Variants in MYLK observed in about 807,000 individuals in gnomAD.
The protein encoded by MYLK is myosin light chain kinase.
MYLK carries 106 observed loss-of-function variants against 203.4 expected under a neutral mutation model. The observed-to-expected ratio is 0.52, with a 90% CI of 0.45 to 0.61. The LOEUF (loss-of-function observed/expected upper bound fraction) is 0.61. MYLK is among the 20% of genes least tolerant of loss of function. MYLK has a pLI of 0.00. For synonymous variants in MYLK, 867 were observed against 959.5 expected, an observed-to-expected ratio of 0.90 and a Z score of 1.78; for missense variants, 2,072 against 2,442.3, an observed-to-expected ratio of 0.85 and a Z score of 3.20.
intron 19 of MYLK, among the ~76,000 whole-genome samples, chr3:123,687,616 A>T (rs820376): frequency 1.3e-5 from 2 of 150,184 alleles, no homozygotes; most frequent in Non-Finnish European, 2.9e-5. Flanking sequence ...TCCTACCTTC[A>T]TTCCTTCCTT....
chr3:123,620,699 T>A (rs1258287941), intron 31 of MYLK: 5 of 1,031,566 alleles, frequency 4.8e-6, no homozygotes, highest in Non-Finnish European at 5.9e-6. Flanking sequence ...TATTGCTGAC[T>A]GGGCCTAGCG....
intron 4 of MYLK, among the ~76,000 whole-genome samples, chr3:123,753,788 A>T (rs2063280406): frequency 6.6e-6 from 1 of 152,210 alleles, no homozygotes; most frequent in Non-Finnish European, 1.5e-5. Context: ...ACTGGAAAGT[A>T]GAAGGCATCA....
intron 2 of MYLK, among the ~76,000 whole-genome samples, chr3:123,856,637 A>G (rs2031399814): frequency 6.6e-6 from 1 of 152,212 alleles, no homozygotes; most frequent in South Asian, 2.1e-4. Context: ...TCATTTTTCA[A>G]TATAGGAAAC....
chr3:123,806,207 G>A (rs1230264354), intron 3 of MYLK, among the ~76,000 whole-genome samples: 1 of 152,184 alleles, frequency 6.6e-6, no homozygotes, highest in African/African-American at 2.4e-5. Flanking sequence ...ACTGAAAAAT[G>A]GCTGGATTGC....
chr3:123,626,787 A>C lies in MYLK; in HGVS notation c.5238+31T>G, dbSNP rs558749157. ...TTGAACAACACAAATATGAGGGGCA[A>C]CATCCCAGTCCAAAGTGACCCTCTC... On this transcript the variant is annotated intron_variant, in intron 31 of 33. Coordinates refer to ENST00000360304, the MANE Select transcript of MYLK (RefSeq NM_053025.4). 5.0e-5 allele frequency: 81 copies of C among 1,614,082 alleles called. No individual in the cohort carries two copies. The East Asian group carries it at 1.7e-3, about 34-fold the overall frequency.
chr3:123,772,125 A>T (rs1288642689), intron 4 of MYLK, among the ~76,000 whole-genome samples: 1 of 152,188 alleles, frequency 6.6e-6, no homozygotes, highest in African/African-American at 2.4e-5. Context: ...CTATATAATT[A>T]AAGTTTCAAA....
intron 21 of MYLK, 126 bp from the exon 22 acceptor site, chr3:123,666,472 C>CT: frequency 3.8e-6 from 5 of 1,330,834 alleles, no homozygotes; most frequent in Non-Finnish European, 5.2e-6. Flanking sequence ...CAGGGTAAGA[C>CT]TGAGGGGCAG....
chr3:123,876,382 G>GA (rs1281717119), intron 2 of MYLK, among the ~76,000 whole-genome samples, 177 bp downstream of exon 2: 3 of 151,862 alleles, frequency 2.0e-5, no homozygotes, highest in Non-Finnish European at 2.9e-5. Context: ...TTATAATGAT[G>GA]AAAAAACTGG....
intron 20 of MYLK, among the ~76,000 whole-genome samples, chr3:123,674,745 G>A (rs113597221): frequency 1.2e-4 from 18 of 152,294 alleles, no homozygotes; most frequent in African/African-American, 2.6e-4. Context: ...TCTTGCCTTC[G>A]CTCCTTTGCA....
intron 4 of MYLK, among the ~76,000 whole-genome samples, chr3:123,766,653 G>A (rs78792369): frequency 0.027 from 4,169 of 152,360 alleles, 82 homozygotes; most frequent in Middle Eastern, 0.071. Context: ...GGAGACCCCA[G>A]GTTGTGAGCC....
chr3:123,627,842 A>C (rs2058225683), intron 30 of MYLK, among the ~76,000 whole-genome samples: 1 of 152,186 alleles, frequency 6.6e-6, no homozygotes. Context: ...TATTTGAATA[A>C]GATCAGTTCT....
chr3:123,724,274 G>A (rs752295570), intron 12 of MYLK, among the ~76,000 whole-genome samples: 6 of 148,504 alleles, frequency 4.0e-5, no homozygotes, highest in African/African-American at 9.9e-5. Flanking sequence ...GGGCCACTGC[G>A]CCCAGCCTCC....
chr3:123,708,059 C>T, intron 15 of MYLK, 56 bp from the exon 16 acceptor site: 2 of 1,608,794 alleles, frequency 1.2e-6, no homozygotes, highest in Admixed American at 3.4e-5. Context: ...AGGCAGTGTC[C>T]ACTCAATTCT....
chr3:123,633,713 C>G (rs2058526665), intron 29 of MYLK, among the ~76,000 whole-genome samples: 1 of 152,152 alleles, frequency 6.6e-6, no homozygotes. Flanking sequence ...TTTCTTAATT[C>G]TCAGCTCATT....
At chr3:123,737,245 C>T (rs999772293) in intron 8 of MYLK, 133 bp downstream of exon 8, 3 of 1,073,748 alleles carry the variant, frequency 2.8e-6, no homozygotes, top group Non-Finnish European at 2.8e-6. Flanking sequence ...AAAGACCTGC[C>T]CCTGGGGAGT....
chr3:123,698,179 C>G (rs1181445400), intron 18 of MYLK, among the ~76,000 whole-genome samples: 4 of 152,194 alleles, frequency 2.6e-5, no homozygotes. Context: ...GAGGCTGGAG[C>G]AGCCACAGAC....
At chr3:123,673,453 C>G (rs914178172) in intron 20 of MYLK, among the ~76,000 whole-genome samples, 1 of 152,062 alleles carries the variant, frequency 6.6e-6, no homozygotes, top group African/African-American at 2.4e-5. Context: ...CCCACTCCCC[C>G]GCTCTCTGAA....
At position 123,723,239 on chromosome 3, in the gene MYLK, G is replaced by A. The variant is rs147076346; in HGVS notation, c.1652-959C>T. ...AAGGGAGACAGTACAGAAAGAAGTC[G>A]TCTCCCTGCAATGCAGTGTTTTCTT... On this transcript the variant is annotated intron_variant, in intron 12 of 33. Transcript: ENST00000360304. Among the ~76,000 whole-genome samples, 13 of 152,208 alleles carry A rather than the reference G, an allele frequency of 8.5e-5. No homozygotes were observed. The East Asian group carries it at 1.4e-3, about 16-fold the overall frequency.
chr3:123,852,578 C>T (rs1287259668), intron 2 of MYLK, among the ~76,000 whole-genome samples: 2 of 151,764 alleles, frequency 1.3e-5, no homozygotes, highest in Admixed American at 6.6e-5. Flanking sequence ...TGGTGATATC[C>T]CCTTTATCAT....
Sources: gnomAD v4.1 joint callset for allele counts (sites outside exome capture counted in the v4.1 genomes callset) on GRCh38, gnomAD v4.1.1 for gene constraint, MANE v1.5 for transcripts, NCBI Gene and HGNC (gene_info 2026-07-23, HGNC 2026-07-21) for gene names.